Variants in SMC6 observed in about 807,000 individuals in gnomAD.
The protein encoded by SMC6 is structural maintenance of chromosomes protein 6.
SMC6 carries 79 observed loss-of-function variants against 142.2 expected under a neutral mutation model. The ratio of observed to expected loss-of-function variants is 0.56; its 90% CI spans 0.46 to 0.67. The LOEUF (loss-of-function observed/expected upper bound fraction) is 0.67, where lower values mean the gene tolerates loss of function less well. Ranked by LOEUF, SMC6 falls within the 30% of genes least tolerant of loss-of-function variation. SMC6 has a pLI of 0.00. For synonymous variants in SMC6, 411 were observed against 412.4 expected (o/e 1.00, Z 0.04); for missense variants, 1,072 against 1,284.0 (o/e 0.83, Z 2.52).
At chr2:17,721,345 A>C (rs1229852187) in intron 9 of SMC6, 84 bp from the exon 10 acceptor site, 1 of 1,321,562 alleles carries the variant, frequency 7.6e-7, no homozygotes, top group Non-Finnish European at 1.0e-6. Context: ...TTTAAAAACA[A>C]TGCCTAAACA....
chr2:17,685,796 T>C (rs1343276366), intron 23 of SMC6, among the ~76,000 whole-genome samples: 1 of 151,904 alleles, frequency 6.6e-6, no homozygotes, highest in Non-Finnish European at 1.5e-5. Flanking sequence ...TTGAACTAAA[T>C]AAAAATAATC....
At chr2:17,701,174 A>G (rs953424718) in intron 20 of SMC6, among the ~76,000 whole-genome samples, 2 of 151,850 alleles carry the variant, frequency 1.3e-5, no homozygotes, top group Non-Finnish European at 2.9e-5. Flanking sequence ...ATCAGGGTAA[A>G]GCTTCACTAG....
At chr2:17,749,531 T>C (rs1349512297) in intron 2 of SMC6, among the ~76,000 whole-genome samples, 2 of 151,994 alleles carry the variant, frequency 1.3e-5, no homozygotes, top group African/African-American at 2.4e-5. Context: ...CTACTAAAAA[T>C]ACAAAAATTA....
At position 17,725,208 on chromosome 2, in the gene SMC6, A is replaced by G. The variant is rs376752712; in HGVS notation, c.726+49T>C. The G allele has an allele frequency of 1.0e-4, 126 of 1,248,718 alleles. No homozygotes were observed. The African/African-American group carries it at 1.3e-3, about 13-fold the overall frequency. 77.4% of individuals were successfully genotyped at this position (1,248,718 alleles called of 1,614,324 possible). ...TACAATATCATTTACTGTAAGTACT[A>G]TAAGAATTTGGCTGATCTCAAAAAG... is the stretch of plus-strand genomic sequence containing the variant. On this transcript the variant is annotated intron_variant, in intron 9 of 27. Coordinates refer to ENST00000448223, the MANE Select transcript of SMC6 (RefSeq NM_001142286.2).
chr2:17,679,935 T>C (rs1667166331), intron 24 of SMC6: 1 of 152,220 alleles, frequency 6.6e-6, no homozygotes, highest in South Asian at 2.1e-4. Flanking sequence ...GGTACTCTTT[T>C]CCTTCCTATT....
intron 12 of SMC6, among the ~76,000 whole-genome samples, chr2:17,717,416 A>G (rs966967176): frequency 4.6e-5 from 7 of 152,212 alleles, no homozygotes; most frequent in African/African-American, 1.4e-4. Flanking sequence ...TCACGCCTGT[A>G]ATCCCAGCAC....
intron 25 of SMC6, among the ~76,000 whole-genome samples, chr2:17,675,519 C>T (rs1472792376): frequency 3.3e-5 from 5 of 151,942 alleles, no homozygotes; most frequent in African/African-American, 1.2e-4. Flanking sequence ...TTTAGTATTT[C>T]TTGTAGGCCA....
At chr2:17,707,459 T>C in intron 17 of SMC6, 80 bp from the exon 18 acceptor site, 1 of 819,154 alleles carries the variant, frequency 1.2e-6, no homozygotes. Context: ...ATGTTACTCG[T>C]CCTTATTATT....
Position 17,683,762 on chromosome 2 carries a change from G to C in SMC6, c.2680C>G (p.Gln894Glu). The C allele has an allele frequency of 6.2e-7, 1 of 1,607,164 alleles. No individual in the cohort carries two copies. The highest frequency in any genetic ancestry group is 8.5e-7 in the Non-Finnish European group (1 of 1,176,394). ...TAGGTCTCTCTTGCTTCTTGGTACT[G>C]CCTATTATATAAACAAAATATTACG... ...SHGDREEIMRQYQEARETYLD... is the reference protein window; with the variant it reads ...SHGDREEIMREYQEARETYLD... The change falls in exon 24 of 28, where the codon CAG becomes GAG. Residue 894 changes from glutamine to glutamate, a missense_variant and splice_region_variant. Coordinates refer to ENST00000448223, the MANE Select transcript of SMC6 (RefSeq NM_001142286.2).
At chr2:17,670,716 T>G (rs953459621) in intron 25 of SMC6, 141 bp from the exon 26 acceptor site, 2 of 806,634 alleles carry the variant, frequency 2.5e-6, no homozygotes, top group Non-Finnish European at 3.6e-6. Context: ...GAAATACCCA[T>G]TCCTTTCAAA....
chr2:17,713,605 A>G (rs1176647793), intron 16 of SMC6: 1 of 462,286 alleles, frequency 2.2e-6, no homozygotes, highest in Non-Finnish European at 4.5e-6. Flanking sequence ...CAGATTCAAG[A>G]AGGACATTCC....
chr2:17,740,591 C>T (rs1020827204), intron 4 of SMC6, among the ~76,000 whole-genome samples: 1 of 152,190 alleles, frequency 6.6e-6, no homozygotes, highest in Non-Finnish European at 1.5e-5. Flanking sequence ...CAGTGGCTCA[C>T]ACCTGTTAAT....
chr2:17,751,958 AAC>A (rs1671061614), intron 2 of SMC6, among the ~76,000 whole-genome samples: 1 of 152,252 alleles, frequency 6.6e-6, no homozygotes, highest in Non-Finnish European at 1.5e-5. Flanking sequence ...CAGTAAAATA[AAC>A]CTTTGGGGAA....
chr2:17,694,024 A>AT (rs1667872583), intron 23 of SMC6, among the ~76,000 whole-genome samples: 2 of 53,416 alleles, frequency 3.7e-5, no homozygotes, highest in Non-Finnish European at 7.8e-5. Context: ...AAAAAAAAAA[A>AT]GAATGAAATC....
In SMC6 at chr2:17,678,907, A is replaced by G; in HGVS notation, c.2862T>C (p.Tyr954=). 1.2e-6 allele frequency: 2 copies of G among 1,612,854 alleles called. No individual in the cohort carries two copies. Among genetic ancestry groups the G allele is most frequent in the Non-Finnish European group, 8.5e-7 (1 of 1,179,412 alleles). ...YFDNLLSQRA[Y]CGKMNFDHKN... is the part of the protein sequence containing the mutation. ...TGTGGTCAAAATTCATTTTTCCACA[A>G]TAGGCCCGCTGAGATAGTAAGTTGT... Residue 954 remains tyrosine, a synonymous_variant, in exon 25 of 28, where the codon TAT becomes TAC. Transcript: ENST00000448223.
At chr2:17,674,155 A>C (rs1666900414) in intron 25 of SMC6, among the ~76,000 whole-genome samples, 1 of 152,128 alleles carries the variant, frequency 6.6e-6, no homozygotes, top group African/African-American at 2.4e-5. Context: ...TAGATCATTA[A>C]TGTTCAGCCC....
At chr2:17,698,635 TAGAGAG>T (rs1335252115) in intron 21 of SMC6, among the ~76,000 whole-genome samples, 1 of 152,114 alleles carries the variant, frequency 6.6e-6, no homozygotes, top group Non-Finnish European at 1.5e-5. Context: ...GAGCTATTTA[TAGAGAG>T]CATATAGTCA....
At chr2:17,693,492 C>T (rs1233379863) in intron 23 of SMC6, among the ~76,000 whole-genome samples, 1 of 151,868 alleles carries the variant, frequency 6.6e-6, no homozygotes, top group Non-Finnish European at 1.5e-5. Context: ...GGGAATTGAA[C>T]AACGAGAACA....
chr2:17,680,541 A>G (rs1667193996), intron 24 of SMC6: 1 of 152,230 alleles, frequency 6.6e-6, no homozygotes, highest in South Asian at 2.1e-4. Flanking sequence ...CTCAAATAAA[A>G]GACTTGAAAG....
Sources: gnomAD v4.1 joint callset for allele counts (sites outside exome capture counted in the v4.1 genomes callset) on GRCh38, gnomAD v4.1.1 for gene constraint, MANE v1.5 for transcripts, NCBI Gene and HGNC (gene_info 2026-07-23, HGNC 2026-07-21) for gene names.